The following RPA3 variants were observed in gnomAD, a reference collection of about 807,000 sequenced individuals.
RPA3 encodes the protein replication protein A 14 kDa subunit.
RPA3 carries 24 observed loss-of-function variants against 13.7 expected under a neutral mutation model. The observed-to-expected ratio is 1.75, with a 90% CI of 1.27 to 2.46. The LOEUF is 2.46. Among genes scored for constraint, RPA3 ranks in the 30% most tolerant of loss-of-function variants. The probability of loss-of-function intolerance (pLI) is 0.00; values close to 1 mark genes in which losing one functional copy is unlikely to be tolerated. For missense variants in RPA3, 183 were observed against 151.0 expected, an observed-to-expected ratio of 1.21 and a Z score of -1.11; for synonymous variants, 59 against 51.2, an observed-to-expected ratio of 1.15 and a Z score of -0.65.
intron 2 of RPA3, among the ~76,000 whole-genome samples, chr7:7,694,649 C>G (rs1327224754): frequency 6.6e-6 from 1 of 151,842 alleles, no homozygotes. Context: ...GTTTATCTCT[C>G]TCTGCCTGAC....
At chr7:7,638,388 A>G (rs565874967) in intron 6 of RPA3, 1 of 153,772 alleles carries the variant, frequency 6.5e-6, no homozygotes, top group South Asian at 2.0e-4. Context: ...CATAAAATGC[A>G]AACATAAATA....
At chr7:7,692,595 C>A (rs1780198602) in intron 2 of RPA3, 1 of 152,134 alleles carries the variant, frequency 6.6e-6, no homozygotes, top group East Asian at 1.9e-4. Flanking sequence ...CATCAAAACA[C>A]AAGCAAATGC....
intron 4 of RPA3, among the ~76,000 whole-genome samples, chr7:7,646,918 G>C (rs1431585146): frequency 1.3e-5 from 2 of 152,138 alleles, no homozygotes; most frequent in African/African-American, 4.8e-5. Flanking sequence ...ACATTTGGGT[G>C]CAAAAACAGC....
intron 3 of RPA3, among the ~76,000 whole-genome samples, chr7:7,686,239 G>T (rs1780039030): frequency 6.6e-6 from 1 of 152,094 alleles, no homozygotes; most frequent in Admixed American, 6.6e-5. Flanking sequence ...TGATACATAG[G>T]CAGGGCCAGT....
intron 4 of RPA3, among the ~76,000 whole-genome samples, chr7:7,680,219 T>C (rs1405165985): frequency 1.3e-5 from 2 of 152,180 alleles, no homozygotes; most frequent in African/African-American, 4.8e-5. Context: ...GATTTTTGTA[T>C]GTGGCGAGAG....
Position 7,683,389 on chromosome 7 carries a change from A to T in RPA3, c.-758+2441T>A, listed in dbSNP as rs116243473. Among the ~76,000 whole-genome samples the T allele has an allele frequency of 2.7e-3, 410 of 152,296 alleles. 1 individual carries two copies. Among genetic ancestry groups the T allele is most frequent in the African/African-American group, 9.1e-3 (377 of 41,548 alleles). ...TAGAGTTCATGCAAGGCTGAGAAGC[A>T]CTACAGTTCACTCTCTAATAATTGT... On this transcript the variant is annotated intron_variant, in intron 4 of 7. Coordinates refer to ENST00000223129, the MANE Select transcript of RPA3 (RefSeq NM_002947.5).
intron 5 of RPA3, chr7:7,639,876 C>T (rs1784925124): frequency 5.1e-6 from 1 of 194,358 alleles, no homozygotes; most frequent in African/African-American, 2.4e-5. Context: ...ACTACGGGAC[C>T]CAAAGCGGAC....
At chr7:7,662,602 G>A (rs550872568) in intron 4 of RPA3, among the ~76,000 whole-genome samples, 3 of 152,234 alleles carry the variant, frequency 2.0e-5, no homozygotes, top group South Asian at 2.1e-4. Context: ...CCTGGGTGAG[G>A]CGACACCCCA....
chr7:7,699,058 G>GT (rs1491364489), intron 2 of RPA3, among the ~76,000 whole-genome samples: 1 of 142,540 alleles, frequency 7.0e-6, no homozygotes, highest in African/African-American at 2.6e-5. Context: ...GTGGGGGGGG[G>GT]GTAGATACCA....
At chr7:7,676,429 A>G (rs1479582413) in intron 4 of RPA3, among the ~76,000 whole-genome samples, 2 of 152,210 alleles carry the variant, frequency 1.3e-5, no homozygotes, top group East Asian at 1.9e-4. Flanking sequence ...GAATTAGCCC[A>G]GGCAATCTGA....
At chr7:7,678,526 T>TTATATACTTAATTTATAGATAAATATA (rs1246147407) in intron 4 of RPA3, among the ~76,000 whole-genome samples, 31 of 139,800 alleles carry the variant, frequency 2.2e-4, no homozygotes, top group South Asian at 1.3e-3. Flanking sequence ...ATAAATATAT[T>TTATATACTTAATTTATAGATAAATATA]TATATACTTA....
chr7:7,681,299 G>C (rs866115294), intron 4 of RPA3, among the ~76,000 whole-genome samples: 1 of 152,010 alleles, frequency 6.6e-6, no homozygotes, highest in African/African-American at 2.4e-5. Flanking sequence ...TAGGTTTTAG[G>C]TCACAATTAT....
In RPA3 at chr7:7,641,033, G is replaced by T. The variant is rs895879129; in HGVS notation, c.-615C>A. 2 of 152,790 alleles carry T rather than the reference G, an allele frequency of 1.3e-5. No homozygotes were observed. The highest frequency in any genetic ancestry group is 2.4e-5 in the African/African-American group (1 of 41,432). 9.5% of individuals were successfully genotyped at this position (152,790 alleles called of 1,614,324 possible). On this transcript the variant is annotated 5_prime_UTR_variant, in exon 5 of 8. Coordinates refer to ENST00000223129, the MANE Select transcript of RPA3 (RefSeq NM_002947.5). ...GCGGAATGATACGTGGTGTGGCGTC[G>T]GGGTTGTGATACCCGCCCCCTTGGA...
At chr7:7,693,492 C>G (rs1027019002) in intron 2 of RPA3, among the ~76,000 whole-genome samples, 4 of 152,096 alleles carry the variant, frequency 2.6e-5, no homozygotes, top group African/African-American at 9.7e-5. Flanking sequence ...TTGGGTTTCT[C>G]TCTCATGTTT....
At chr7:7,663,814 A>G (rs1319143283) in intron 4 of RPA3, among the ~76,000 whole-genome samples, 1 of 152,218 alleles carries the variant, frequency 6.6e-6, no homozygotes, top group African/African-American at 2.4e-5. Context: ...GATAGGAATT[A>G]CATGCATGAC....
chr7:7,664,472 T>G (rs1779387620), intron 4 of RPA3, among the ~76,000 whole-genome samples: 1 of 152,216 alleles, frequency 6.6e-6, no homozygotes, highest in Non-Finnish European at 1.5e-5. Context: ...TCCTGACGCT[T>G]ACAACTCTTC....
Position 7,636,771 on chromosome 7 carries a change from C to T in RPA3, c.*229G>A. On this transcript the variant is annotated 3_prime_UTR_variant, in exon 8 of 8. Transcript: ENST00000223129. ...ATAGAAACTTAGACTCGGACAACTG[C>T]TTTATTCTTGCATCTAATCTGACCA... 4.5e-6 allele frequency: 2 copies of T among 440,296 alleles called. No homozygotes were observed. Among genetic ancestry groups the T allele is most frequent in the Non-Finnish European group, 8.0e-6 (2 of 250,764 alleles). 27.3% of individuals were successfully genotyped at this position (440,296 alleles called of 1,614,324 possible). A position where few individuals can be genotyped will look rare whatever the true frequency, so the allele number is the denominator to read the frequency against.
At chr7:7,674,412 T>C (rs971105552) in intron 4 of RPA3, among the ~76,000 whole-genome samples, 1 of 152,210 alleles carries the variant, frequency 6.6e-6, no homozygotes, top group African/African-American at 2.4e-5. Context: ...GAATAGAGTT[T>C]TTCTCGTGGA....
chr7:7,687,577 A>G (rs940267467), intron 2 of RPA3, among the ~76,000 whole-genome samples: 5 of 152,216 alleles, frequency 3.3e-5, no homozygotes, highest in Non-Finnish European at 5.9e-5. Flanking sequence ...CAGAAAGTCT[A>G]TTCACACCCA....
Sources: gnomAD v4.1 joint callset for allele counts (sites outside exome capture counted in the v4.1 genomes callset) on GRCh38, gnomAD v4.1.1 for gene constraint, MANE v1.5 for transcripts, NCBI Gene and HGNC (gene_info 2026-07-23, HGNC 2026-07-21) for gene names.